NOS1: variants seen among roughly 807,000 people sequenced by gnomAD.
The protein encoded by NOS1 is nitric oxide synthase 1.
Under a neutral mutation model 164.5 loss-of-function variants are expected in NOS1, and 51 were observed. The observed-to-expected ratio is 0.31, with a 90% CI of 0.25 to 0.39. NOS1 has a LOEUF of 0.39. Among genes scored for constraint, NOS1 ranks in the 10% least tolerant of loss-of-function variants. The pLI is 1.00. For missense variants in NOS1, 1,362 were observed against 1,885.6 expected (o/e 0.72, Z 5.14); for synonymous variants, 719 against 745.8 (o/e 0.96, Z 0.59).
chr12:117,268,834 T>A (rs1039464139), intron 10 of NOS1, among the ~76,000 whole-genome samples: 1 of 151,070 alleles, frequency 6.6e-6, no homozygotes, highest in Admixed American at 6.6e-5. Flanking sequence ...CCTGACCTCA[T>A]GATCCACCCG....
intron 22 of NOS1, among the ~76,000 whole-genome samples, chr12:117,230,122 C>T (rs910575952): frequency 2.0e-5 from 3 of 151,668 alleles, no homozygotes; most frequent in South Asian, 2.1e-4. Flanking sequence ...CTATGTTGCC[C>T]GGGTTGGTTC....
In NOS1 at chr12:117,291,525, C is replaced by T. The variant is rs899583256; in HGVS notation, c.853-1099G>A. 1.8e-3 allele frequency among the ~76,000 whole-genome samples: 179 copies of T among 99,270 alleles called. 1 individual carries two copies. The highest frequency in any genetic ancestry group is 6.8e-3 in the African/African-American group (171 of 25,174). 65.1% of individuals were successfully genotyped at this position (99,270 alleles called of 152,430 possible). ...TAGACCTCACTGATAAGGATTACAT[C>T]TGTCTTTTTTTTTTTTTTTTTTTTT... On this transcript the variant is annotated intron_variant, in intron 3 of 28. Coordinates refer to ENST00000317775, the MANE Select transcript of NOS1 (RefSeq NM_000620.5).
intron 1 of NOS1, among the ~76,000 whole-genome samples, chr12:117,343,934 C>T (rs965666222): frequency 6.6e-6 from 1 of 152,204 alleles, no homozygotes; most frequent in Admixed American, 6.5e-5. Flanking sequence ...GAATCAGTTA[C>T]AAATGAATTT....
intron 25 of NOS1, among the ~76,000 whole-genome samples, chr12:117,224,550 G>A (rs1868479433): frequency 6.6e-6 from 1 of 152,210 alleles, no homozygotes; most frequent in African/African-American, 2.4e-5. Context: ...CTCCCAAAGT[G>A]CTGGGATTAC....
chr12:117,242,581 A>G, intron 20 of NOS1, 46 bp downstream of exon 20: 1 of 1,499,252 alleles, frequency 6.7e-7, no homozygotes, highest in Non-Finnish European at 9.3e-7. Flanking sequence ...CGTGGGTGGC[A>G]TTTGGGAGAA....
At chr12:117,360,717 C>A (rs1877099609) in intron 1 of NOS1, among the ~76,000 whole-genome samples, 1 of 152,250 alleles carries the variant, frequency 6.6e-6, no homozygotes, top group African/African-American at 2.4e-5. Flanking sequence ...CCGCCATTAC[C>A]TGCGGCTCGC....
chr12:117,299,417 T>C (rs55897510), intron 3 of NOS1, among the ~76,000 whole-genome samples: 3,975 of 151,998 alleles, frequency 0.026, 181 homozygotes, highest in African/African-American at 0.09. Flanking sequence ...GGTGGGCGGA[T>C]CACGAGGTCA....
chr12:117,296,495 C>T (rs1873424890), intron 3 of NOS1, among the ~76,000 whole-genome samples: 1 of 152,202 alleles, frequency 6.6e-6, no homozygotes, highest in South Asian at 2.1e-4. Context: ...GCCTCTGAGC[C>T]TACATCTTTC....
chr12:117,231,844 T>C, intron 22 of NOS1, 118 bp downstream of exon 22: 1 of 1,098,294 alleles, frequency 9.1e-7, no homozygotes, highest in South Asian at 1.5e-5. Context: ...CAGCAAATAA[T>C]GGCCCCCTTG....
chr12:117,260,411 C>G, intron 14 of NOS1, 54 bp downstream of exon 14: 7 of 1,596,222 alleles, frequency 4.4e-6, no homozygotes, highest in Non-Finnish European at 6.0e-6. Flanking sequence ...CTCTCCCCTT[C>G]CTGCCTTAAT....
chr12:117,213,971 G>A lies in NOS1; in HGVS notation c.*1338C>T, dbSNP rs1422271830. ...TGGCTGCCCATTTTTGATCTGAGTTGAGGGTAACTTATTTGTCAAAATTAA... is the reference window on the plus strand; with the variant it reads ...TGGCTGCCCATTTTTGATCTGAGTTAAGGGTAACTTATTTGTCAAAATTAA... On this transcript the variant is annotated 3_prime_UTR_variant, in exon 29 of 29. Transcript: ENST00000317775. The A allele has an allele frequency of 1.0e-6, 1 of 985,266 alleles. No homozygotes were observed. The highest frequency in any genetic ancestry group is 1.2e-6 in the Non-Finnish European group (1 of 829,924). 61.0% of individuals were successfully genotyped at this position (985,266 alleles called of 1,614,324 possible). A position where few individuals can be genotyped will look rare whatever the true frequency, so the allele number is the denominator to read the frequency against.
chr12:117,258,070 C>T (rs1093328), intron 16 of NOS1, among the ~76,000 whole-genome samples: 83,583 of 151,856 alleles, frequency 0.55, 25,459 homozygotes, highest in African/African-American at 0.81. Flanking sequence ...CCCAAAGTGC[C>T]GGGATTACAG....
chr12:117,251,584 T>C (rs866401823), intron 17 of NOS1, among the ~76,000 whole-genome samples: 1 of 139,042 alleles, frequency 7.2e-6, no homozygotes, highest in African/African-American at 2.9e-5. Context: ...AGCTAATCAA[T>C]TAATTTTTTT....
chr12:117,343,378 G>T (rs1428349928), intron 1 of NOS1, among the ~76,000 whole-genome samples: 1 of 152,110 alleles, frequency 6.6e-6, no homozygotes, highest in Non-Finnish European at 1.5e-5. Context: ...TTTAGTTGTG[G>T]TCTAGTATAT....
intron 2 of NOS1, among the ~76,000 whole-genome samples, chr12:117,324,754 G>A (rs1403851884): frequency 7.0e-6 from 1 of 142,128 alleles, no homozygotes; most frequent in Admixed American, 6.8e-5. Flanking sequence ...CTGCTCCCAA[G>A]TACAGAAGGT....
intron 17 of NOS1, 22 bp from the exon 18 acceptor site, chr12:117,247,544 G>A (rs1340893681): frequency 6.3e-7 from 1 of 1,598,476 alleles, no homozygotes; most frequent in African/African-American, 1.3e-5. Flanking sequence ...ATGACAGAAT[G>A]TTCATGCTAA....
chr12:117,359,501 G>C (rs1230515218), intron 1 of NOS1, among the ~76,000 whole-genome samples: 2 of 152,156 alleles, frequency 1.3e-5, no homozygotes, highest in South Asian at 2.1e-4. Flanking sequence ...CATTCCTCTC[G>C]GGAGGAGAGG....
chr12:117,355,758 G>T (rs750400750), intron 1 of NOS1, among the ~76,000 whole-genome samples: 9 of 152,108 alleles, frequency 5.9e-5, no homozygotes, highest in African/African-American at 1.9e-4. Flanking sequence ...ATTAATTAAT[G>T]AATTAATTTA....
chr12:117,342,207 A>G (rs1047422358), intron 1 of NOS1, among the ~76,000 whole-genome samples: 1 of 151,758 alleles, frequency 6.6e-6, no homozygotes, highest in African/African-American at 2.4e-5. Context: ...ACTCATACAT[A>G]GCTCTCCCCA....
Sources: allele counts gnomAD v4.1 joint callset (sites outside exome capture counted in the v4.1 genomes callset), GRCh38; gene constraint gnomAD v4.1.1; transcripts MANE v1.5; gene names NCBI Gene and HGNC (gene_info 2026-07-23, HGNC 2026-07-21).